ANO3: variants seen among roughly 807,000 people sequenced by gnomAD.
ANO3 encodes the protein anoctamin-3.
ANO3 carries 99 observed loss-of-function variants against 144.8 expected under a neutral mutation model. That is an observed-to-expected ratio of 0.68 (90% CI 0.58 to 0.81). ANO3 has a LOEUF of 0.81. Ranked by LOEUF, ANO3 falls within the 30% of genes least tolerant of loss-of-function variation. The pLI, the probability that ANO3 is intolerant of heterozygous loss-of-function variation, is 0.00. For synonymous variants in ANO3, 414 were observed against 392.6 expected (o/e 1.05, Z -0.64); for missense variants, 905 against 1,202.2 (o/e 0.75, Z 3.66).
At chr11:26,251,645 G>A (rs961118121) in intron 1 of ANO3, among the ~76,000 whole-genome samples, 2 of 152,126 alleles carry the variant, frequency 1.3e-5, no homozygotes, top group African/African-American at 4.8e-5. Flanking sequence ...CCCAAGACTG[G>A]GTAATTTATA....
intron 1 of ANO3, among the ~76,000 whole-genome samples, chr11:26,269,212 C>T (rs998281824): frequency 2.0e-5 from 3 of 152,168 alleles, no homozygotes; most frequent in African/African-American, 7.2e-5. Context: ...ACATAATCTG[C>T]ATTTCCAGAA....
chr11:26,383,727 A>G (rs1856646288), intron 1 of ANO3, among the ~76,000 whole-genome samples: 1 of 152,088 alleles, frequency 6.6e-6, no homozygotes, highest in African/African-American at 2.4e-5. Flanking sequence ...CTGATTAAAT[A>G]TGTTCATTAT....
intron 4 of ANO3, among the ~76,000 whole-genome samples, chr11:26,488,315 GTA>G (rs1174840343): frequency 6.0e-4 from 92 of 152,210 alleles, no homozygotes; most frequent in Non-Finnish European, 1.1e-3. Flanking sequence ...AATTGCATAA[GTA>G]GCAAGGAGCC....
At chr11:26,293,060 C>A (rs1310391799) in intron 1 of ANO3, among the ~76,000 whole-genome samples, 1 of 152,186 alleles carries the variant, frequency 6.6e-6, no homozygotes, top group Non-Finnish European at 1.5e-5. Flanking sequence ...CACCCCATAT[C>A]TTTAAATTAA....
intron 15 of ANO3, 93 bp downstream of exon 15, chr11:26,598,540 C>A: frequency 2.3e-6 from 2 of 878,120 alleles, no homozygotes; most frequent in Non-Finnish European, 3.5e-6. Context: ...AGCAGTTAAC[C>A]ACCATTAGAT....
intron 1 of ANO3, among the ~76,000 whole-genome samples, chr11:26,415,268 C>T (rs573241465): frequency 1.1e-4 from 16 of 152,086 alleles, no homozygotes; most frequent in African/African-American, 2.6e-4. Context: ...CTTCTAAAAA[C>T]GAGAGTGCTA....
chr11:26,565,457 G>C (rs1232181447), intron 14 of ANO3: 2 of 1,613,302 alleles, frequency 1.2e-6, no homozygotes, highest in East Asian at 4.5e-5. Flanking sequence ...GATGTGCTGA[G>C]ATGGGCAAAA....
chr11:26,606,134 G>T (rs1483277984), intron 17 of ANO3, among the ~76,000 whole-genome samples: 2 of 152,120 alleles, frequency 1.3e-5, no homozygotes, highest in African/African-American at 2.4e-5. Context: ...CTTGTATGTT[G>T]TGTCTTTGTT....
At chr11:26,319,472 A>G (rs145353266) in intron 1 of ANO3, among the ~76,000 whole-genome samples, 257 of 152,264 alleles carry the variant, frequency 1.7e-3, no homozygotes, top group African/African-American at 5.2e-3. Context: ...TTGGGTATTA[A>G]TTTTGTCTCC....
At chr11:26,580,104 C>T (rs1016060475) in intron 14 of ANO3, among the ~76,000 whole-genome samples, 1 of 117,668 alleles carries the variant, frequency 8.5e-6, no homozygotes, top group African/African-American at 3.2e-5. Context: ...TTTTTTAAAA[C>T]TCCAAAATAA....
chr11:26,538,760 T>C (rs867405183), intron 10 of ANO3, among the ~76,000 whole-genome samples: 1 of 152,156 alleles, frequency 6.6e-6, no homozygotes, highest in African/African-American at 2.4e-5. Context: ...GAAATATTAA[T>C]ATATGCAATA....
At chr11:26,376,077 T>C (rs995703553) in intron 1 of ANO3, among the ~76,000 whole-genome samples, 5 of 152,170 alleles carry the variant, frequency 3.3e-5, no homozygotes, top group Non-Finnish European at 7.3e-5. Context: ...GGCATTTTAC[T>C]TGACACTGGA....
chr11:26,422,523 G>A (rs574503736), intron 1 of ANO3, among the ~76,000 whole-genome samples: 10 of 152,042 alleles, frequency 6.6e-5, no homozygotes, highest in South Asian at 6.2e-4. Context: ...TAGAACTGTC[G>A]AAAGTTGCAT....
At chr11:26,501,681 G>A (rs912505790) in intron 4 of ANO3, among the ~76,000 whole-genome samples, 6 of 152,136 alleles carry the variant, frequency 3.9e-5, no homozygotes, top group African/African-American at 1.2e-4. Context: ...TCCACATCAG[G>A]TCAAGATCGG....
chr11:26,645,586 A>C (rs1318742666), intron 23 of ANO3, among the ~76,000 whole-genome samples: 2 of 152,180 alleles, frequency 1.3e-5, no homozygotes, highest in Non-Finnish European at 2.9e-5. Context: ...ATGCAATTTG[A>C]GTTCCCATAT....
intron 1 of ANO3, among the ~76,000 whole-genome samples, chr11:26,251,495 A>G (rs1336651830): frequency 6.6e-6 from 1 of 152,244 alleles, no homozygotes; most frequent in Non-Finnish European, 1.5e-5. Flanking sequence ...AACATTAAGC[A>G]AATGAATGAA....
chr11:26,367,289 C>A (rs1289583901), intron 1 of ANO3, among the ~76,000 whole-genome samples: 1 of 152,188 alleles, frequency 6.6e-6, no homozygotes, highest in African/African-American at 2.4e-5. Flanking sequence ...TAGGTTGTCA[C>A]TCTGATGTTC....
intron 17 of ANO3, among the ~76,000 whole-genome samples, chr11:26,602,516 CA>C (rs1016507856): frequency 6.6e-6 from 1 of 151,886 alleles, no homozygotes; most frequent in African/African-American, 2.4e-5. Flanking sequence ...TGCTTGAGCC[CA>C]GCAGTTTGAG....
intron 1 of ANO3, among the ~76,000 whole-genome samples, chr11:26,291,543 G>T (rs1853957424): frequency 6.6e-6 from 1 of 152,124 alleles, no homozygotes; most frequent in African/African-American, 2.4e-5. Context: ...GCAGTGGCTG[G>T]TACCGGTTGT....
Sources: gnomAD v4.1 joint callset for allele counts (sites outside exome capture counted in the v4.1 genomes callset) on GRCh38, gnomAD v4.1.1 for gene constraint, MANE v1.5 for transcripts, NCBI Gene and HGNC (gene_info 2026-07-23, HGNC 2026-07-21) for gene names.